SMC6: variants seen among roughly 807,000 people sequenced by gnomAD.
SMC6 encodes the protein structural maintenance of chromosomes protein 6.
SMC6 carries 79 observed loss-of-function variants against 142.2 expected under a neutral mutation model. The observed-to-expected ratio is 0.56, with a 90% CI of 0.46 to 0.67. SMC6 has a LOEUF of 0.67. SMC6 is among the 30% of genes least tolerant of loss of function. The pLI, the probability that SMC6 is intolerant of heterozygous loss-of-function variation, is 0.00. For synonymous variants in SMC6, 411 were observed against 412.4 expected, an observed-to-expected ratio of 1.00 and a Z score of 0.04; for missense variants, 1,072 against 1,284.0, an observed-to-expected ratio of 0.83 and a Z score of 2.52.
chr2:17,751,616 G>C (rs1027503494), intron 2 of SMC6, among the ~76,000 whole-genome samples: 9 of 152,182 alleles, frequency 5.9e-5, no homozygotes, highest in African/African-American at 2.2e-4. Flanking sequence ...GAAGCTACTG[G>C]AAGTAGTTTG....
chr2:17,713,786 C>A (rs544834988), intron 16 of SMC6, among the ~76,000 whole-genome samples: 1 of 152,312 alleles, frequency 6.6e-6, no homozygotes, highest in South Asian at 2.1e-4. Flanking sequence ...CAGAATAACT[C>A]CCAATGTCAT....
chr2:17,716,264 C>T lies in SMC6; in HGVS notation c.1347G>A (p.Lys449=), dbSNP rs551794420. ...CATGCTTCACATCTAATTCTTCTCT[C>T]CTAAAAAACAAAAGCAGAAAAACAG... ...EKDKEEHGKI[K]REELDVKHAL... Residue 449 remains lysine, a splice_region_variant and synonymous_variant, in exon 15 of 28, where the codon AAG becomes AAA. Transcript: ENST00000448223. The T allele has an allele frequency of 1.9e-5, 30 of 1,600,630 alleles. No homozygotes were observed. In the South Asian group the frequency reaches 3.1e-4, roughly 16 times the overall value.
chr2:17,728,627 G>C (rs1669749203), intron 7 of SMC6, among the ~76,000 whole-genome samples: 1 of 152,100 alleles, frequency 6.6e-6, no homozygotes, highest in Non-Finnish European at 1.5e-5. Context: ...ACTTCAGCAA[G>C]AGGATAAGAA....
chr2:17,715,951 C>T (rs556587887), intron 15 of SMC6, 135 bp downstream of exon 15: 14 of 738,170 alleles, frequency 1.9e-5, no homozygotes, highest in South Asian at 1.5e-4. Context: ...AAATATAAAA[C>T]GAAAGCTACA....
chr2:17,685,355 A>G (rs1362622991), intron 23 of SMC6, among the ~76,000 whole-genome samples: 1 of 147,080 alleles, frequency 6.8e-6, no homozygotes, highest in Non-Finnish European at 1.5e-5. Context: ...GTTACAGGAC[A>G]TAATAGACAA....
rs1245564082 is a variant in SMC6, at chr2:17,708,757, G to A, written c.1731-4C>T. On this transcript the variant is annotated splice_region_variant and splice_polypyrimidine_tract_variant and intron_variant, in intron 16 of 27. Coordinates refer to ENST00000448223, the MANE Select transcript of SMC6 (RefSeq NM_001142286.2). Reference sequence around the variant, plus strand: ...AAAGTCTGGATGATAAGCAGCTCTAGGAGACAAAAATACAGAAGGATTAAC... The same window carrying A: ...AAAGTCTGGATGATAAGCAGCTCTAAGAGACAAAAATACAGAAGGATTAAC... The A allele has an allele frequency of 2.0e-6, 3 of 1,468,910 alleles. No individual in the cohort carries two copies. The highest frequency in any genetic ancestry group is 2.7e-6 in the Non-Finnish European group (3 of 1,105,532). 91.0% of individuals were successfully genotyped at this position (1,468,910 alleles called of 1,614,324 possible). A position where few individuals can be genotyped will look rare whatever the true frequency, so the allele number is the denominator to read the frequency against.
At position 17,664,278 on chromosome 2, in the gene SMC6, C is replaced by T. The variant is rs956876481; in HGVS notation, c.*1221G>A. 2 of 152,146 alleles carry T rather than the reference C, an allele frequency of 1.3e-5. No individual in the cohort carries two copies. The highest frequency in any genetic ancestry group is 2.9e-5 in the Non-Finnish European group (2 of 68,030). 9.4% of individuals were successfully genotyped at this position (152,146 alleles called of 1,614,324 possible). ...CTCCTGGAAATTCTGATTAGAAAGCCCAAGTTTTTGAACTTCTCATTTGGC... is the reference window on the plus strand; with the variant it reads ...CTCCTGGAAATTCTGATTAGAAAGCTCAAGTTTTTGAACTTCTCATTTGGC... On this transcript the variant is annotated 3_prime_UTR_variant, in exon 28 of 28. Transcript: ENST00000448223.
rs1667123999 is a variant in SMC6 at position 17,678,974 on chromosome 2, T to C, written c.2805-10A>G. On this transcript the variant is annotated splice_polypyrimidine_tract_variant and intron_variant, in intron 24 of 27. Coordinates refer to ENST00000448223, the MANE Select transcript of SMC6 (RefSeq NM_001142286.2). Reference sequence around the variant, plus strand: ...TCGTAAAGTCAAACACCTTGAAATTTAAAAATTAGGCACATTAAAAAGAGG... The same window carrying C: ...TCGTAAAGTCAAACACCTTGAAATTCAAAAATTAGGCACATTAAAAAGAGG... 1 of 1,590,644 alleles carries C rather than the reference T, an allele frequency of 6.3e-7. No individual in the cohort carries two copies. Among genetic ancestry groups the C allele is most frequent in the Admixed American group, 1.7e-5 (1 of 58,834 alleles).
chr2:17,687,020 T>C (rs534184190), intron 23 of SMC6, among the ~76,000 whole-genome samples: 4 of 152,330 alleles, frequency 2.6e-5, no homozygotes, highest in Admixed American at 6.5e-5. Flanking sequence ...ATCTCATCTA[T>C]ATGCCAATAT....
chr2:17,725,401 A>T lies in SMC6; in HGVS notation c.625-43T>A, dbSNP rs748600059. 3 of 1,369,784 alleles carry T rather than the reference A, an allele frequency of 2.2e-6. No homozygotes were observed. In the African/African-American group the frequency reaches 4.4e-5, roughly 20 times the overall value. The allele number at this position is 1,369,784 out of a possible 1,614,324, so 84.9% of individuals were successfully genotyped here. A position where few individuals can be genotyped will look rare whatever the true frequency, so the allele number is the denominator to read the frequency against. On this transcript the variant is annotated intron_variant, in intron 8 of 27. Transcript: ENST00000448223. Reference sequence around the variant, plus strand: ...AAAAAACGCAATTAGGAGTTTGTAAACTTCCATAGAACTGTTAAAAAGAAA... The same window carrying T: ...AAAAAACGCAATTAGGAGTTTGTAATCTTCCATAGAACTGTTAAAAAGAAA...
intron 23 of SMC6, among the ~76,000 whole-genome samples, chr2:17,689,367 T>C (rs934361164): frequency 1.3e-5 from 2 of 152,204 alleles, no homozygotes; most frequent in African/African-American, 4.8e-5. Flanking sequence ...TGGAGAACCG[T>C]CAACATTGGA....
intron 5 of SMC6, among the ~76,000 whole-genome samples, chr2:17,734,068 G>A (rs1046897979): frequency 1.3e-5 from 2 of 152,224 alleles, no homozygotes; most frequent in Non-Finnish European, 1.5e-5. Flanking sequence ...AGTTAGGATT[G>A]TGAGGGAGGT....
chr2:17,741,333 C>G (rs569644861), intron 4 of SMC6, among the ~76,000 whole-genome samples: 1 of 152,116 alleles, frequency 6.6e-6, no homozygotes, highest in Non-Finnish European at 1.5e-5. Context: ...CAATGAGGAT[C>G]GCTTGTCTAC....
At chr2:17,712,328 A>T (rs1327853384) in intron 16 of SMC6, among the ~76,000 whole-genome samples, 2 of 152,208 alleles carry the variant, frequency 1.3e-5, no homozygotes, top group African/African-American at 2.4e-5. Flanking sequence ...TTAACAGGAA[A>T]GTTTAAGGCT....
intron 11 of SMC6, 67 bp downstream of exon 11, chr2:17,720,873 A>G: frequency 7.4e-7 from 1 of 1,343,944 alleles, no homozygotes; most frequent in Non-Finnish European, 1.1e-6. Context: ...GTGGGTCATA[A>G]ATAGTCTAAT....
At position 17,731,070 on chromosome 2, in the gene SMC6, C is replaced by A. The variant is rs764488917; in HGVS notation, c.543+8G>T. 20 of 1,606,590 alleles carry A rather than the reference C, an allele frequency of 1.2e-5. No homozygotes were observed. The highest frequency in any genetic ancestry group is 1.6e-5 in the Non-Finnish European group (19 of 1,175,010). On this transcript the variant is annotated splice_region_variant and intron_variant, in intron 7 of 27. Coordinates refer to ENST00000448223, the MANE Select transcript of SMC6 (RefSeq NM_001142286.2). The stretch of plus-strand genomic sequence containing the variant: ...TGAATTAATCTGAAACACAAATTCA[C>A]CAATTACCTGGATGTTAAAATGATC...
At chr2:17,732,003 AC>A in intron 5 of SMC6, 126 bp from the exon 6 acceptor site, 1 of 816,924 alleles carries the variant, frequency 1.2e-6, no homozygotes, top group Non-Finnish European at 1.9e-6. Context: ...AATTAGATTT[AC>A]ATCAACAGCT....
intron 1 of SMC6, among the ~76,000 whole-genome samples, 170 bp from the exon 2 acceptor site, chr2:17,753,234 C>T: frequency 6.6e-6 from 1 of 152,022 alleles, no homozygotes; most frequent in Non-Finnish European, 1.5e-5. Flanking sequence ...TGCGAGATAT[C>T]ATCAGACTCA....
chr2:17,745,628 T>C (rs1670707274), intron 3 of SMC6, among the ~76,000 whole-genome samples, 199 bp downstream of exon 3: 1 of 151,850 alleles, frequency 6.6e-6, no homozygotes, highest in South Asian at 2.1e-4. Context: ...TTCACATTTC[T>C]ATACATTCAG....
Sources: allele counts gnomAD v4.1 joint callset (sites outside exome capture counted in the v4.1 genomes callset), GRCh38; gene constraint gnomAD v4.1.1; transcripts MANE v1.5; gene names NCBI Gene and HGNC (gene_info 2026-07-23, HGNC 2026-07-21).